The following ENO3 variants were observed in gnomAD, a reference collection of about 807,000 sequenced individuals.
ENO3 encodes the protein beta-enolase.
Under a neutral mutation model 47.7 loss-of-function variants are expected in ENO3, and 46 were observed. The ratio of observed to expected loss-of-function variants is 0.96; its 90% CI spans 0.76 to 1.23. The LOEUF (loss-of-function observed/expected upper bound fraction) is 1.23. ENO3 is among the 50% of genes most tolerant of loss of function. The probability of loss-of-function intolerance (pLI) is 0.00; values close to 1 mark genes in which losing one functional copy is unlikely to be tolerated. For missense variants in ENO3, 575 were observed against 566.2 expected (o/e 1.02, Z -0.16); for synonymous variants, 223 against 225.9 (o/e 0.99, Z 0.11).
At chr17:4,952,713 A>T (rs1971578774) in intron 2 of ENO3, 82 bp from the exon 3 acceptor site, 2 of 1,343,944 alleles carry the variant, frequency 1.5e-6, no homozygotes, top group South Asian at 2.5e-5. Flanking sequence ...CCACCTGCCT[A>T]GGCCTCTCAA....
At chr17:4,952,109 G>A in intron 2 of ENO3, 195 bp downstream of exon 2, 1 of 691,954 alleles carries the variant, frequency 1.4e-6, no homozygotes, top group Non-Finnish European at 2.6e-6. Context: ...ACTGCCTCCT[G>A]TCCCTGAGCT....
At position 4,951,130 on chromosome 17, in the gene ENO3, A is replaced by T; in HGVS notation, c.-55A>T. On this transcript the variant is annotated 5_prime_UTR_variant, in exon 1 of 12. Transcript: ENST00000519602. ...AGAGGGGGTGAGCTGACACTGTCCCAGCTGCCACCTAGACTCGGAGCTCCA... is the reference window on the plus strand; with the variant it reads ...AGAGGGGGTGAGCTGACACTGTCCCTGCTGCCACCTAGACTCGGAGCTCCA... The T allele has an allele frequency of 1.0e-6, 1 of 988,576 alleles. No individual in the cohort carries two copies. Among genetic ancestry groups the T allele is most frequent in the Non-Finnish European group, 1.2e-6 (1 of 831,904 alleles). The allele number at this position is 988,576 out of a possible 1,614,324, so 61.2% of individuals were successfully genotyped here.
At chr17:4,950,473 C>T (rs1051569384), upstream of ENO3, 3 of 794,322 alleles carry the variant, frequency 3.8e-6, no homozygotes, top group Non-Finnish European at 4.6e-6. Flanking sequence ...CCACGCCGGG[C>T]GACAAGTGCT....
chr17:4,950,022 C>T (rs921852959), upstream of ENO3, among the ~76,000 whole-genome samples: 1 of 123,754 alleles, frequency 8.1e-6, no homozygotes, highest in African/African-American at 2.9e-5. Context: ...GGACGGGTGG[C>T]GGGGCAGGTG....
chr17:4,954,151 T>C, intron 6 of ENO3: 1 of 475,454 alleles, frequency 2.1e-6, no homozygotes, highest in Non-Finnish European at 3.8e-6. Context: ...GAGAGTTTCT[T>C]TGAGGCAAAG....
chr17:4,954,056 T>C lies in ENO3; in HGVS notation c.444+211T>C, dbSNP rs1971642995. ...GCTCTATGTGCTTCCTTCCCTGCCA[T>C]ATAACCCAGTTCCTTCCCATTCCAA... On this transcript the variant is annotated intron_variant, in intron 6 of 11. Coordinates refer to ENST00000519602, the MANE Select transcript of ENO3 (RefSeq NM_053013.4). 5.5e-6 allele frequency: 4 copies of C among 732,276 alleles called. No individual in the cohort carries two copies. The Admixed American group carries it at 7.1e-5, about 13-fold the overall frequency. The allele number at this position is 732,276 out of a possible 1,614,324, so 45.4% of individuals were successfully genotyped here. A position where few individuals can be genotyped will look rare whatever the true frequency, so the allele number is the denominator to read the frequency against.
upstream of ENO3, among the ~76,000 whole-genome samples, chr17:4,949,829 C>T (rs1329748711): frequency 6.6e-6 from 1 of 152,186 alleles, no homozygotes; most frequent in Non-Finnish European, 1.5e-5. Flanking sequence ...CCCCTCGAGT[C>T]CGTGTTCCTC....
rs1283664213 is a variant in ENO3 at position 4,951,141 on chromosome 17, AGACTCG to A, written c.-41_-36del. The A allele has an allele frequency of 1.0e-6, 1 of 988,718 alleles. No individual in the cohort carries two copies. The highest frequency in any genetic ancestry group is 1.1e-4 in the East Asian group (1 of 8,882). 61.2% of individuals were successfully genotyped at this position (988,718 alleles called of 1,614,324 possible). A position where few individuals can be genotyped will look rare whatever the true frequency, so the allele number is the denominator to read the frequency against. On this transcript the variant is annotated 5_prime_UTR_variant, in exon 1 of 12. Coordinates refer to ENST00000519602, the MANE Select transcript of ENO3 (RefSeq NM_053013.4). ...GCTGACACTGTCCCAGCTGCCACCT[AGACTCG>A]GAGCTCCATCCAAACCTCCAGCGAA... is the stretch of plus-strand genomic sequence containing the variant.
upstream of ENO3, chr17:4,950,969 G>T (rs987184471): frequency 8.4e-6 from 8 of 948,070 alleles, no homozygotes; most frequent in East Asian, 2.3e-4. Context: ...GGGGGCAGGT[G>T]CCCAGGGCCA....
chr17:4,948,732 G>A, upstream of ENO3: 1 of 313,668 alleles, frequency 3.2e-6, no homozygotes, highest in Non-Finnish European at 5.9e-6. Context: ...GGAAAGCAAT[G>A]CAGAAGGATG....
chr17:4,952,698 G>C (rs1971578334), intron 2 of ENO3, 97 bp from the exon 3 acceptor site: 3 of 1,222,974 alleles, frequency 2.5e-6, no homozygotes, highest in Non-Finnish European at 3.5e-6. Flanking sequence ...CTGATCTCAA[G>C]TGATCCACCT....
Position 4,953,105 on chromosome 17 carries a change from A to G in ENO3, c.236A>G (p.Gln79Arg). The G allele has an allele frequency of 1.2e-6, 2 of 1,614,010 alleles. No individual in the cohort carries two copies. Among genetic ancestry groups the G allele is most frequent in the Non-Finnish European group, 1.7e-6 (2 of 1,179,866 alleles). Residue 79 changes from glutamine to arginine, a missense_variant, in exon 4 of 12, where the codon CAA becomes CGA. By Grantham distance (43) the Gln-to-Arg change is conservative. Transcript: ENST00000519602. The stretch of plus-strand genomic sequence containing the variant: ...AATACTCTGGGCCCTGCTCTGCTGC[A>G]AAAGGCAAGTGGGGAAGCCCGCTCG... The part of the protein sequence containing the change: ...INNTLGPALL[Q>R]KKLSVVDQEK...
upstream of ENO3, among the ~76,000 whole-genome samples, chr17:4,950,804 A>G (rs968235471): frequency 1.3e-5 from 2 of 152,016 alleles, no homozygotes; most frequent in Non-Finnish European, 2.9e-5. Flanking sequence ...AAGGTCACTC[A>G]TTCCTCTTGA....
rs150346560 is a variant in ENO3, at chr17:4,955,919, G to A, written c.866-23G>A. The A allele has an allele frequency of 4.8e-5, 77 of 1,610,016 alleles. No individual in the cohort carries two copies. The African/African-American group carries it at 8.9e-4, about 19-fold the overall frequency. ...CCTGTCTCTGCTCTGTCTCTGCCCT[G>A]TCTCTGCTCCAAACCCCACCAGTGG... On this transcript the variant is annotated intron_variant, in intron 8 of 11. Transcript: ENST00000519602.
chr17:4,956,982 G>T lies in ENO3; in HGVS notation c.1240G>T (p.Glu414Ter), dbSNP rs773760593. The change falls in exon 12 of 12, where the codon GAG (glutamate) becomes TAG (stop). Residue 414 changes from glutamate (E) to a stop codon, truncating the protein, a stop_gained. Transcript: ENST00000519602. LOFTEE classifies it high-confidence loss of function. ...LAKYNQLMRI[E>*]EALGDKAIFA... ...CTAACCTTGCCTGCATTCTAGGATC[G>T]AGGAGGCTCTTGGGGACAAGGCAAT... 3 of 1,614,200 alleles carry T rather than the reference G, an allele frequency of 1.9e-6. No individual in the cohort carries two copies. Among genetic ancestry groups the T allele is most frequent in the East Asian group, 2.2e-5 (1 of 44,884 alleles).
At chr17:4,952,512 A>T (rs145626703) in intron 2 of ENO3, among the ~76,000 whole-genome samples, 1 of 151,690 alleles carries the variant, frequency 6.6e-6, no homozygotes, top group African/African-American at 2.4e-5. Flanking sequence ...TTTAGTAGAG[A>T]TGGGGTTTCA....
At chr17:4,954,988 A>G in intron 6 of ENO3, 87 bp from the exon 7 acceptor site, 1 of 1,264,364 alleles carries the variant, frequency 7.9e-7, no homozygotes, top group Non-Finnish European at 1.1e-6. Flanking sequence ...TAGGGAAGCC[A>G]GGTTTCCACC....
chr17:4,953,051 G>T lies in ENO3; in HGVS notation c.182G>T (p.Gly61Val), dbSNP rs1971599259. ...AAAACTCATCCTCTGGCCTGTCTAG[G>T]AGTCCTGAAGGCTGTGGAGAACATC... ...DGDKGRYLGK[G>V]VLKAVENINN... is the part of the protein sequence containing the mutation. The change falls in exon 4 of 12, where the codon GGA becomes GTA. Residue 61 changes from glycine to valine, a missense_variant and splice_region_variant. Transcript: ENST00000519602. 6.2e-7 allele frequency: 1 copy of T among 1,614,220 alleles called. No individual in the cohort carries two copies. Among genetic ancestry groups the T allele is most frequent in the Non-Finnish European group, 8.5e-7 (1 of 1,180,034 alleles).
rs1433332154 is a variant in ENO3 at position 4,956,026 on chromosome 17, G to A, written c.950G>A (p.Gly317Glu). ...TCGGGGGTGAACATCCAGATTGTGG[G>A]GGATGACTTGACAGTCACCAACCCC... ...FLSGVNIQIV[G>E]DDLTVTNPKR... The change falls in exon 9 of 12, where the codon GGG (glycine) becomes GAG (glutamate). Residue 317 changes from glycine (G) to glutamate (E), a missense_variant. Physicochemically the swap from Gly to Glu is moderately conservative, Grantham distance 98. Coordinates refer to ENST00000519602, the MANE Select transcript of ENO3 (RefSeq NM_053013.4). 46 of 1,613,736 alleles carry A rather than the reference G, an allele frequency of 2.9e-5. No homozygotes were observed. Among genetic ancestry groups the A allele is most frequent in the Non-Finnish European group, 3.7e-5 (44 of 1,179,992 alleles).
Sources: allele counts gnomAD v4.1 joint callset (sites outside exome capture counted in the v4.1 genomes callset), GRCh38; gene constraint gnomAD v4.1.1; transcripts MANE v1.5; gene names NCBI Gene and HGNC (gene_info 2026-07-23, HGNC 2026-07-21).